MBNL1: variants seen among roughly 807,000 people sequenced by gnomAD.
The protein encoded by MBNL1 is muscleblind like splicing regulator 1.
In MBNL1, 8 loss-of-function variants were observed where a neutral mutation model predicts 42.2. The observed-to-expected ratio is 0.19, with a 90% confidence interval of 0.11 to 0.34. The LOEUF (loss-of-function observed/expected upper bound fraction) is 0.34, where lower values mean the gene tolerates loss of function less well. Among genes scored for constraint, MBNL1 ranks in the 10% least tolerant of loss-of-function variants. MBNL1 has a pLI of 1.00. For synonymous variants in MBNL1, 169 were observed against 173.9 expected (o/e 0.97, Z 0.22); for missense variants, 309 against 495.3 (o/e 0.62, Z 3.57).
chr3:152,249,444 T>C (rs1297687843), intron 2 of MBNL1, among the ~76,000 whole-genome samples: 144 of 106,798 alleles, frequency 1.3e-3, no homozygotes, highest in Admixed American at 5.2e-3. Context: ...TCATATCCTT[T>C]GCCCACTTTT....
At chr3:152,345,680 C>CA (rs2094124809) in intron 2 of MBNL1, among the ~76,000 whole-genome samples, 1 of 152,164 alleles carries the variant, frequency 6.6e-6, no homozygotes, top group East Asian at 1.9e-4. Flanking sequence ...TACTAATTTT[C>CA]ACATCATTTC....
At chr3:152,363,762 G>A (rs1195430633) in intron 2 of MBNL1, among the ~76,000 whole-genome samples, 1 of 152,076 alleles carries the variant, frequency 6.6e-6, no homozygotes, top group South Asian at 2.1e-4. Context: ...GGGTCACACA[G>A]TCTGTTCCTA....
At chr3:152,346,573 A>G (rs1326012306) in intron 2 of MBNL1, among the ~76,000 whole-genome samples, 1 of 152,054 alleles carries the variant, frequency 6.6e-6, no homozygotes, top group African/African-American at 2.4e-5. Context: ...TTTAATTCCA[A>G]TTTTACTTAT....
intron 2 of MBNL1, among the ~76,000 whole-genome samples, chr3:152,414,159 T>A (rs2098654059): frequency 6.6e-6 from 1 of 152,226 alleles, no homozygotes; most frequent in Non-Finnish European, 1.5e-5. Flanking sequence ...ATGAAGTGCT[T>A]AGGACAGAGT....
intron 2 of MBNL1, among the ~76,000 whole-genome samples, chr3:152,355,144 A>C (rs1212693340): frequency 6.6e-6 from 1 of 152,202 alleles, no homozygotes; most frequent in Non-Finnish European, 1.5e-5. Context: ...ATCGTAAGTG[A>C]GATCCAGTCT....
rs1731983785 is a variant in MBNL1, at chr3:152,455,533, G to A, written c.962-9G>A. 1 of 1,612,628 alleles carries A rather than the reference G, an allele frequency of 6.2e-7. No homozygotes were observed. ...AATCCACCTTCCTGTTGCAATGCAT[G>A]ATGGGCAGGCTCAATATTGTGCATG... On this transcript the variant is annotated splice_polypyrimidine_tract_variant and intron_variant, in intron 6 of 9. Coordinates refer to ENST00000324210, the MANE Select transcript of MBNL1 (RefSeq NM_021038.5).
Position 152,418,630 on chromosome 3 carries a change from AAGAGAG to A in MBNL1, c.345+3533_345+3538del, listed in dbSNP as rs770781244. Among the ~76,000 whole-genome samples the A allele has an allele frequency of 6.2e-5, 9 of 145,494 alleles. No individual in the cohort carries two copies. In the South Asian group the frequency reaches 6.5e-4, roughly 10 times the overall value. On this transcript the variant is annotated intron_variant, in intron 3 of 9. Transcript: ENST00000324210. ...CCCTGTCTCTAAAAAAAAAAAAAAAAAGAGAGAGAGAGAGAGAGATCTCTGACCTTC... is the reference window on the plus strand; with the variant it reads ...CCCTGTCTCTAAAAAAAAAAAAAAAAAGAGAGAGAGAGATCTCTGACCTTC...
At chr3:152,326,875 T>C (rs776446164) in intron 2 of MBNL1, among the ~76,000 whole-genome samples, 1 of 151,952 alleles carries the variant, frequency 6.6e-6, no homozygotes, top group Non-Finnish European at 1.5e-5. Flanking sequence ...CAATCTTGGC[T>C]CACTGCAACG....
chr3:152,387,407 CTTAAAATA>C (rs2097494671), intron 2 of MBNL1, among the ~76,000 whole-genome samples: 1 of 152,042 alleles, frequency 6.6e-6, no homozygotes, highest in East Asian at 1.9e-4. Flanking sequence ...ACATTCAAGA[CTTAAAATA>C]TTAAAATCAA....
chr3:152,359,715 G>A (rs1228193718), intron 2 of MBNL1, among the ~76,000 whole-genome samples: 1 of 152,184 alleles, frequency 6.6e-6, no homozygotes, highest in African/African-American at 2.4e-5. Context: ...ATCTCTGATG[G>A]TGTTAATTAA....
rs1222556181 is a variant in MBNL1 at position 152,272,257 on chromosome 3, A to G, written c.-790+3165A>G. Among the ~76,000 whole-genome samples, 3 of 152,254 alleles carry G rather than the reference A, an allele frequency of 2.0e-5. No homozygotes were observed. In the East Asian group the frequency reaches 5.8e-4, roughly 29 times the overall value. On this transcript the variant is annotated intron_variant, in intron 1 of 9. Coordinates refer to ENST00000324210, the MANE Select transcript of MBNL1 (RefSeq NM_021038.5). ...CTCGTCTTTCTTATCCATTGTAACC[A>G]AAATTTGAGAAAACACACCACCTAA...
chr3:152,262,603 A>G (rs1002830100), intron 2 of MBNL1: 1 of 152,268 alleles, frequency 6.6e-6, no homozygotes, highest in African/African-American at 2.4e-5. Flanking sequence ...AGAAATAAAT[A>G]AGACAATGGC....
chr3:152,318,560 A>G (rs1018169828), intron 2 of MBNL1, among the ~76,000 whole-genome samples: 2 of 152,188 alleles, frequency 1.3e-5, no homozygotes, highest in African/African-American at 4.8e-5. Flanking sequence ...CATTTGAATT[A>G]AAATAGGACT....
At chr3:152,327,988 A>C (rs1388352918) in intron 2 of MBNL1, among the ~76,000 whole-genome samples, 2 of 152,094 alleles carry the variant, frequency 1.3e-5, no homozygotes, top group Admixed American at 6.6e-5. Flanking sequence ...TTTTTGAAGA[A>C]GAATTGATGA....
chr3:152,338,774 A>C (rs557468038), intron 2 of MBNL1: 1 of 856,184 alleles, frequency 1.2e-6, no homozygotes, highest in Non-Finnish European at 1.4e-6. Flanking sequence ...TGTCCTTGGG[A>C]AACTCTGTGT....
chr3:152,271,218 G>C (rs1194516626), intron 1 of MBNL1, among the ~76,000 whole-genome samples: 6 of 152,082 alleles, frequency 3.9e-5, no homozygotes, highest in African/African-American at 9.7e-5. Flanking sequence ...ATTAAATTTT[G>C]ATTCCAACAT....
Position 152,463,194 on chromosome 3 carries a change from C to T in MBNL1, c.*828C>T, listed in dbSNP as rs755721331. On this transcript the variant is annotated 3_prime_UTR_variant, in exon 10 of 10. Coordinates refer to ENST00000324210, the MANE Select transcript of MBNL1 (RefSeq NM_021038.5). ...CTCAGAAATGGCCAATTTAACTTTA[C>T]AGTAACAATAGACAGCACAACACAA... The T allele has an allele frequency of 5.4e-5, 8 of 148,672 alleles. No individual in the cohort carries two copies. The highest frequency in any genetic ancestry group is 1.2e-4 in the Non-Finnish European group (8 of 67,292). 9.2% of individuals were successfully genotyped at this position (148,672 alleles called of 1,614,324 possible). A position where few individuals can be genotyped will look rare whatever the true frequency, so the allele number is the denominator to read the frequency against.
intron 2 of MBNL1, among the ~76,000 whole-genome samples, chr3:152,381,532 A>G (rs930367819): frequency 9.2e-5 from 14 of 152,064 alleles, no homozygotes; most frequent in African/African-American, 2.7e-4. Flanking sequence ...AGCAGAATAG[A>G]TAAATGTGTC....
chr3:152,355,864 T>A (rs768631174), intron 2 of MBNL1, among the ~76,000 whole-genome samples: 4 of 152,218 alleles, frequency 2.6e-5, no homozygotes, highest in Non-Finnish European at 4.4e-5. Flanking sequence ...TTCTAGTTGA[T>A]AGAGTCAAAA....
Sources: gnomAD v4.1 joint callset for allele counts (sites outside exome capture counted in the v4.1 genomes callset) on GRCh38, gnomAD v4.1.1 for gene constraint, MANE v1.5 for transcripts, NCBI Gene and HGNC (gene_info 2026-07-23, HGNC 2026-07-21) for gene names.